The following NSMCE2 variants were observed in gnomAD, a reference collection of about 807,000 sequenced individuals.
NSMCE2 encodes the protein NSE2 SUMO ligase component of SMC5/6 complex.
NSMCE2 carries 24 observed loss-of-function variants against 23.8 expected under a neutral mutation model. The ratio of observed to expected loss-of-function variants is 1.01; its 90% CI spans 0.73 to 1.42. NSMCE2 has a LOEUF of 1.42. Ranked by LOEUF, NSMCE2 falls within the 40% of genes most tolerant of loss-of-function variation. The pLI is 0.00. For synonymous variants in NSMCE2, 92 were observed against 94.1 expected, an observed-to-expected ratio of 0.98 and a Z score of 0.13; for missense variants, 284 against 296.5, an observed-to-expected ratio of 0.96 and a Z score of 0.31.
At chr8:125,283,910 T>G (rs1242429516) in intron 5 of NSMCE2, among the ~76,000 whole-genome samples, 1 of 152,238 alleles carries the variant, frequency 6.6e-6, no homozygotes, top group East Asian at 1.9e-4. Context: ...TCCCAGCATT[T>G]TGGGAGGCCA....
intron 5 of NSMCE2, among the ~76,000 whole-genome samples, chr8:125,356,172 A>G (rs1451443460): frequency 6.6e-6 from 1 of 151,950 alleles, no homozygotes; most frequent in Non-Finnish European, 1.5e-5. Context: ...GAAGCCAGAC[A>G]TTCAAGATAT....
intron 5 of NSMCE2, among the ~76,000 whole-genome samples, chr8:125,309,429 G>A (rs376707085): frequency 5.9e-5 from 9 of 152,006 alleles, no homozygotes; most frequent in African/African-American, 1.9e-4. Flanking sequence ...TACCATAGAA[G>A]TGTTTTATTA....
chr8:125,209,242 A>G (rs188857929), intron 5 of NSMCE2, among the ~76,000 whole-genome samples: 4 of 152,366 alleles, frequency 2.6e-5, no homozygotes, highest in Admixed American at 6.5e-5. Context: ...TTGAAAAAAA[A>G]TAGAAACAAA....
At chr8:125,126,251 G>C (rs1483451818) in intron 3 of NSMCE2, among the ~76,000 whole-genome samples, 3 of 151,834 alleles carry the variant, frequency 2.0e-5, no homozygotes, top group Admixed American at 2.0e-4. Flanking sequence ...TGGCATGGTG[G>C]TGGGTGCCTA....
intron 3 of NSMCE2, among the ~76,000 whole-genome samples, chr8:125,123,842 G>T (rs1302231349): frequency 6.6e-6 from 1 of 152,054 alleles, no homozygotes; most frequent in African/African-American, 2.4e-5. Flanking sequence ...CTCTCAGTTA[G>T]TCACTCCCTC....
chr8:125,220,955 T>G (rs937447303), intron 5 of NSMCE2, among the ~76,000 whole-genome samples: 1 of 152,220 alleles, frequency 6.6e-6, no homozygotes, highest in African/African-American at 2.4e-5. Context: ...TTGGGCCCTG[T>G]GTGTGCTAAA....
intron 5 of NSMCE2, among the ~76,000 whole-genome samples, chr8:125,305,187 G>A (rs1388256076): frequency 6.6e-6 from 1 of 152,194 alleles, no homozygotes; most frequent in Non-Finnish European, 1.5e-5. Flanking sequence ...TTTTACTTCA[G>A]ACTGAAACTA....
intron 5 of NSMCE2, among the ~76,000 whole-genome samples, chr8:125,273,052 G>T (rs1301997459): frequency 6.6e-6 from 1 of 152,158 alleles, no homozygotes; most frequent in East Asian, 1.9e-4. Flanking sequence ...GCCTATCATA[G>T]AACCTGACAG....
At chr8:125,317,198 CT>C (rs879359907) in intron 5 of NSMCE2, among the ~76,000 whole-genome samples, 470 of 143,188 alleles carry the variant, frequency 3.3e-3, no homozygotes, top group Middle Eastern at 3.6e-3. Flanking sequence ...TCCTAAAGAT[CT>C]TTTTTTTTTT....
intron 5 of NSMCE2, among the ~76,000 whole-genome samples, chr8:125,261,296 C>T (rs906752137): frequency 3.9e-5 from 6 of 152,178 alleles, no homozygotes; most frequent in African/African-American, 1.4e-4. Context: ...ATCAAATTTG[C>T]AAGGTTAGAA....
chr8:125,317,512 A>G lies in NSMCE2; in HGVS notation c.419-39707A>G, dbSNP rs1302462904. On this transcript the variant is annotated intron_variant, in intron 5 of 7. Transcript: ENST00000287437. Reference sequence around the variant, plus strand: ...ACACCTGACCAAGATTCCTTTTTTAATATATACTTCCTCCCTCCTCCATGC... The same window carrying G: ...ACACCTGACCAAGATTCCTTTTTTAGTATATACTTCCTCCCTCCTCCATGC... 2.0e-5 allele frequency among the ~76,000 whole-genome samples: 3 copies of G among 152,022 alleles called. No individual in the cohort carries two copies. In the East Asian group the frequency reaches 5.8e-4, roughly 29 times the overall value.
intron 1 of NSMCE2, among the ~76,000 whole-genome samples, chr8:125,098,264 A>G (rs970096092): frequency 2.0e-5 from 3 of 152,204 alleles, no homozygotes; most frequent in Admixed American, 1.3e-4. Context: ...AGAATTACAT[A>G]GAGGACTTGT....
At chr8:125,258,965 C>T (rs1054668989) in intron 5 of NSMCE2, among the ~76,000 whole-genome samples, 20 of 152,164 alleles carry the variant, frequency 1.3e-4, no homozygotes, top group African/African-American at 4.3e-4. Context: ...TGCAATGGCA[C>T]GATCTCGGCT....
At chr8:125,272,153 A>G (rs548777779) in intron 5 of NSMCE2, among the ~76,000 whole-genome samples, 5 of 151,388 alleles carry the variant, frequency 3.3e-5, no homozygotes, top group African/African-American at 1.2e-4. Flanking sequence ...AGCTGGGACT[A>G]CAGGCGCCCA....
intron 1 of NSMCE2, among the ~76,000 whole-genome samples, chr8:125,095,189 C>T (rs565120373): frequency 1.3e-5 from 2 of 152,196 alleles, no homozygotes; most frequent in East Asian, 3.9e-4. Flanking sequence ...TAGTGCCTAT[C>T]ATATTGGACA....
At chr8:125,341,390 T>G (rs1190326001) in intron 5 of NSMCE2, among the ~76,000 whole-genome samples, 1 of 152,226 alleles carries the variant, frequency 6.6e-6, no homozygotes, top group Non-Finnish European at 1.5e-5. Context: ...TTTTTCTCCT[T>G]TCTTGCTTCC....
At chr8:125,238,674 A>T (rs1388493334) in intron 5 of NSMCE2, among the ~76,000 whole-genome samples, 1 of 152,122 alleles carries the variant, frequency 6.6e-6, no homozygotes, top group Non-Finnish European at 1.5e-5. Context: ...TTTACCCACA[A>T]TAGTTCTCAA....
intron 5 of NSMCE2, among the ~76,000 whole-genome samples, chr8:125,289,920 A>T (rs1457303975): frequency 2.0e-5 from 3 of 152,346 alleles, no homozygotes; most frequent in East Asian, 1.9e-4. Context: ...GATGTTTATA[A>T]GAATAATTAT....
chr8:125,246,513 C>T (rs1825969427), intron 5 of NSMCE2, among the ~76,000 whole-genome samples: 1 of 152,038 alleles, frequency 6.6e-6, no homozygotes, highest in Admixed American at 6.6e-5. Flanking sequence ...CCAAAATGAG[C>T]TTCAAATGGC....
Sources: allele counts gnomAD v4.1 joint callset (sites outside exome capture counted in the v4.1 genomes callset), GRCh38; gene constraint gnomAD v4.1.1; transcripts MANE v1.5; gene names NCBI Gene and HGNC (gene_info 2026-07-23, HGNC 2026-07-21).